The following LRP1B variants were observed in gnomAD, a reference collection of about 807,000 sequenced individuals.
The protein encoded by LRP1B is low-density lipoprotein receptor-related protein 1B.
In LRP1B, 217 loss-of-function variants were observed where a neutral mutation model predicts 556.6. The ratio of observed to expected loss-of-function variants is 0.39; its 90% CI spans 0.35 to 0.44. The LOEUF (loss-of-function observed/expected upper bound fraction) is 0.44. Among genes scored for constraint, LRP1B ranks in the 20% least tolerant of loss-of-function variants. LRP1B has a pLI of 1.00. For missense variants in LRP1B, 5,053 were observed against 5,620.8 expected (o/e 0.90, Z 3.23); for synonymous variants, 2,047 against 1,865.8 (o/e 1.10, Z -2.50).
intron 1 of LRP1B, among the ~76,000 whole-genome samples, chr2:142,045,019 CT>C (rs1487622131): frequency 2.6e-5 from 4 of 151,460 alleles, no homozygotes; most frequent in African/African-American, 7.3e-5. Context: ...TAAACAAGTT[CT>C]TTTTAAATGT....
chr2:141,615,901 G>A (rs1688279989), intron 2 of LRP1B, among the ~76,000 whole-genome samples: 1 of 152,140 alleles, frequency 6.6e-6, no homozygotes, highest in Non-Finnish European at 1.5e-5. Context: ...GAAGATCCAA[G>A]CTTCCGCAGA....
At chr2:140,596,652 T>G (rs974225618) in intron 43 of LRP1B, among the ~76,000 whole-genome samples, 2 of 152,204 alleles carry the variant, frequency 1.3e-5, no homozygotes, top group African/African-American at 4.8e-5. Flanking sequence ...AGTGGTCATG[T>G]TTTGTACACT....
At chr2:141,806,951 G>A (rs988347775) in intron 2 of LRP1B, among the ~76,000 whole-genome samples, 12 of 151,988 alleles carry the variant, frequency 7.9e-5, no homozygotes, top group South Asian at 4.1e-4. Flanking sequence ...TGCATCGGCT[G>A]TTTTTATCTA....
chr2:140,595,109 T>G (rs1216601155), intron 43 of LRP1B, among the ~76,000 whole-genome samples: 1 of 63,602 alleles, frequency 1.6e-5, no homozygotes, highest in East Asian at 3.8e-4. Context: ...TATATATATA[T>G]ATATATATAT....
At chr2:141,861,147 A>T (rs1342101907) in intron 1 of LRP1B, among the ~76,000 whole-genome samples, 4 of 152,146 alleles carry the variant, frequency 2.6e-5, no homozygotes, top group Non-Finnish European at 5.9e-5. Context: ...TCAAATTCCT[A>T]AATGTAGTTT....
At chr2:140,360,789 A>C (rs2105142385) in intron 72 of LRP1B, among the ~76,000 whole-genome samples, 1 of 151,716 alleles carries the variant, frequency 6.6e-6, no homozygotes, top group South Asian at 2.1e-4. Context: ...ACATTGGTGA[A>C]TTTCAACAAA....
At chr2:141,648,043 G>A (rs1195481794) in intron 2 of LRP1B, among the ~76,000 whole-genome samples, 1 of 152,010 alleles carries the variant, frequency 6.6e-6, no homozygotes, top group Non-Finnish European at 1.5e-5. Flanking sequence ...GACTTCTTAT[G>A]TTGTCTCTCA....
intron 2 of LRP1B, among the ~76,000 whole-genome samples, chr2:141,617,804 A>G (rs1688362366): frequency 6.6e-6 from 1 of 152,214 alleles, no homozygotes; most frequent in Non-Finnish European, 1.5e-5. Flanking sequence ...TAAACACTCT[A>G]AAAAGTAGAG....
intron 2 of LRP1B, among the ~76,000 whole-genome samples, chr2:141,583,074 G>C (rs536862075): frequency 6.6e-6 from 1 of 152,004 alleles, no homozygotes; most frequent in African/African-American, 2.4e-5. Context: ...CTGACCTCGT[G>C]ATCCGCCCCC....
rs33913417 is a variant in LRP1B at position 141,579,724 on chromosome 2, C to CTTTTTTTTTTTTTTTT, written c.206-99207_206-99192dup. 1.6e-3 allele frequency among the ~76,000 whole-genome samples: 163 copies of CTTTTTTTTTTTTTTTT among 100,954 alleles called. 20 individuals carry two copies. Among genetic ancestry groups the CTTTTTTTTTTTTTTTT allele is most frequent in the African/African-American group, 4.9e-3 (109 of 22,468 alleles). 66.2% of individuals were successfully genotyped at this position (100,954 alleles called of 152,430 possible). A position where few individuals can be genotyped will look rare whatever the true frequency, so the allele number is the denominator to read the frequency against. On this transcript the variant is annotated intron_variant, in intron 2 of 90. Coordinates refer to ENST00000389484, the MANE Select transcript of LRP1B (RefSeq NM_018557.3). ...CATAAGGAAAACATATCAGGTTTCACTTTTTTTTTTTTTTTTTTGAGACGG... is the reference window on the plus strand; with the variant it reads ...CATAAGGAAAACATATCAGGTTTCACTTTTTTTTTTTTTTTTTTTTTTTTTTTTTTTTTTGAGACGG...
At chr2:141,377,599 T>A (rs1239669500) in intron 3 of LRP1B, among the ~76,000 whole-genome samples, 1 of 152,108 alleles carries the variant, frequency 6.6e-6, no homozygotes. Flanking sequence ...ATATGCAACA[T>A]ATAGAAAAAT....
chr2:141,725,518 GTAA>G (rs1349017211), intron 2 of LRP1B, among the ~76,000 whole-genome samples: 3 of 152,000 alleles, frequency 2.0e-5, no homozygotes, highest in East Asian at 1.9e-4. Flanking sequence ...GTTGCAACAA[GTAA>G]TAATAATAAA....
rs577118197 is a variant in LRP1B, at chr2:140,358,710, T to C, written c.11257+111A>G. On this transcript the variant is annotated intron_variant, in intron 73 of 90. Transcript: ENST00000389484. ...TGTCAGAAGATCAAATGTCTGAAAA[T>C]AATGCCCTCAGATGTCCACATAAGA... 4 of 1,116,382 alleles carry C rather than the reference T, an allele frequency of 3.6e-6. No homozygotes were observed. The South Asian group carries it at 5.8e-5, about 16-fold the overall frequency. 69.2% of individuals were successfully genotyped at this position (1,116,382 alleles called of 1,614,324 possible).
intron 20 of LRP1B, among the ~76,000 whole-genome samples, chr2:140,942,901 G>A (rs186485843): frequency 4.1e-4 from 63 of 152,148 alleles, no homozygotes; most frequent in East Asian, 3.1e-3. Context: ...ACTGCTAATA[G>A]CACCATGATA....
chr2:142,070,774 A>G (rs571505946), intron 1 of LRP1B, among the ~76,000 whole-genome samples: 1 of 152,102 alleles, frequency 6.6e-6, no homozygotes, highest in South Asian at 2.1e-4. Flanking sequence ...ATGAAGGATT[A>G]GAATTCACAC....
At chr2:141,797,098 G>C (rs1237937535) in intron 2 of LRP1B, among the ~76,000 whole-genome samples, 3 of 134,832 alleles carry the variant, frequency 2.2e-5, no homozygotes, top group Non-Finnish European at 4.6e-5. Flanking sequence ...TATAAAGAAG[G>C]TACCTAGTCA....
At chr2:141,104,622 G>A (rs1368965550) in intron 7 of LRP1B, among the ~76,000 whole-genome samples, 1 of 151,928 alleles carries the variant, frequency 6.6e-6, no homozygotes, top group Non-Finnish European at 1.5e-5. Context: ...ATTCTTAATT[G>A]GTTGCTGAAA....
chr2:141,079,153 T>TA (rs1699864259), intron 7 of LRP1B, among the ~76,000 whole-genome samples: 1 of 152,072 alleles, frequency 6.6e-6, no homozygotes, highest in Non-Finnish European at 1.5e-5. Flanking sequence ...TTTGCAAGTA[T>TA]AAAAAACAAA....
At chr2:141,458,336 T>TA (rs1681714334) in intron 3 of LRP1B, among the ~76,000 whole-genome samples, 1 of 152,212 alleles carries the variant, frequency 6.6e-6, no homozygotes, top group Non-Finnish European at 1.5e-5. Context: ...GTTTGGGTCA[T>TA]CATCGCCTGG....
Sources: gnomAD v4.1 joint callset for allele counts (sites outside exome capture counted in the v4.1 genomes callset) on GRCh38, gnomAD v4.1.1 for gene constraint, MANE v1.5 for transcripts, NCBI Gene and HGNC (gene_info 2026-07-23, HGNC 2026-07-21) for gene names.